The following TMEFF2 variants were observed in gnomAD, a reference collection of about 807,000 sequenced individuals.
TMEFF2 encodes the protein transmembrane protein with EGF like and two follistatin like domains 2, also known as tomoregulin-2.
A neutral mutation model predicts 53.8 loss-of-function variants in TMEFF2; 28 were observed. The observed-to-expected ratio is 0.52, with a 90% CI of 0.39 to 0.71. The LOEUF is 0.71. TMEFF2 is among the 30% of genes least tolerant of loss of function. TMEFF2 has a pLI of 0.00. For synonymous variants in TMEFF2, 162 were observed against 166.3 expected, an observed-to-expected ratio of 0.97 and a Z score of 0.20; for missense variants, 353 against 455.2, an observed-to-expected ratio of 0.78 and a Z score of 2.04.
chr2:191,977,760 CAG>C (rs1213980371), intron 7 of TMEFF2, among the ~76,000 whole-genome samples: 2 of 152,124 alleles, frequency 1.3e-5, no homozygotes, highest in East Asian at 1.9e-4. Context: ...CTCTTAGAAA[CAG>C]AGTTGCTGAC....
At chr2:192,165,791 A>G (rs1412747401) in intron 4 of TMEFF2, among the ~76,000 whole-genome samples, 5 of 152,106 alleles carry the variant, frequency 3.3e-5, no homozygotes, top group African/African-American at 9.7e-5. Context: ...ATGCTCCCTC[A>G]GCATTAGCAG....
chr2:192,176,840 A>G (rs1001072648), intron 4 of TMEFF2: 1 of 151,056 alleles, frequency 6.6e-6, no homozygotes, highest in Non-Finnish European at 1.5e-5. Context: ...ATATAGGAAA[A>G]TTTTTAAAAA....
chr2:192,041,994 A>C (rs1178990609), intron 5 of TMEFF2, among the ~76,000 whole-genome samples: 1 of 152,114 alleles, frequency 6.6e-6, no homozygotes, highest in Non-Finnish European at 1.5e-5. Context: ...TGAGGTCAGG[A>C]CTTCAAGACA....
Position 192,077,829 on chromosome 2 carries a change from C to T in TMEFF2, c.440-20054G>A, listed in dbSNP as rs180851196. ...ATTTGTATATGTTTATATATATAAG[C>T]ACAACGTTCTGATTTCTTATAAGAG... On this transcript the variant is annotated intron_variant, in intron 4 of 9. Transcript: ENST00000272771. 2.6e-5 allele frequency among the ~76,000 whole-genome samples: 4 copies of T among 151,946 alleles called. No individual in the cohort carries two copies. In the East Asian group the frequency reaches 7.7e-4, roughly 29 times the overall value.
intron 4 of TMEFF2, among the ~76,000 whole-genome samples, chr2:192,164,886 A>G (rs1187571213): frequency 6.6e-6 from 1 of 152,158 alleles, no homozygotes; most frequent in Non-Finnish European, 1.5e-5. Flanking sequence ...GTATAATAAT[A>G]TTATGCTATG....
chr2:192,059,274 A>G, intron 4 of TMEFF2, among the ~76,000 whole-genome samples: 1 of 152,004 alleles, frequency 6.6e-6, no homozygotes, highest in East Asian at 1.9e-4. Flanking sequence ...TCTTAAAAAA[A>G]AAAAAAGGTG....
At chr2:192,137,333 C>T (rs1159456265) in intron 4 of TMEFF2, among the ~76,000 whole-genome samples, 1 of 152,118 alleles carries the variant, frequency 6.6e-6, no homozygotes, top group African/African-American at 2.4e-5. Context: ...TGAAAAAAGG[C>T]CTGGGGCAGA....
At chr2:192,032,161 T>C (rs1483124339) in intron 5 of TMEFF2, 1 of 152,198 alleles carries the variant, frequency 6.6e-6, no homozygotes, top group Non-Finnish European at 1.5e-5. Context: ...CTTGAAGTCA[T>C]ATATTGTCTA....
intron 5 of TMEFF2, among the ~76,000 whole-genome samples, chr2:192,040,719 C>T (rs1271716854): frequency 1.3e-5 from 2 of 152,098 alleles, no homozygotes; most frequent in Non-Finnish European, 2.9e-5. Context: ...GAGCAACACC[C>T]TCATTTCCTG....
chr2:192,014,628 C>T (rs1686705271), intron 5 of TMEFF2, among the ~76,000 whole-genome samples: 1 of 152,266 alleles, frequency 6.6e-6, no homozygotes, highest in East Asian at 1.9e-4. Context: ...CTTCTTTAGG[C>T]AATTCAGTAT....
At chr2:192,019,557 A>G (rs1686816181) in intron 5 of TMEFF2, among the ~76,000 whole-genome samples, 1 of 152,088 alleles carries the variant, frequency 6.6e-6, no homozygotes, top group African/African-American at 2.4e-5. Context: ...ATAGCTTTGA[A>G]AATTTGTTTT....
chr2:191,972,813 T>A (rs777286829), intron 7 of TMEFF2, among the ~76,000 whole-genome samples: 8 of 152,290 alleles, frequency 5.3e-5, no homozygotes, highest in Middle Eastern at 6.8e-3. Flanking sequence ...AGCTCCAATG[T>A]ATAAACATGA....
chr2:192,183,381 C>T (rs1032260285), intron 3 of TMEFF2, among the ~76,000 whole-genome samples: 2 of 152,002 alleles, frequency 1.3e-5, no homozygotes, highest in Non-Finnish European at 2.9e-5. Context: ...TAACATCATA[C>T]ACTAGATTAG....
intron 4 of TMEFF2, among the ~76,000 whole-genome samples, chr2:192,103,876 G>C (rs985130181): frequency 2.6e-5 from 4 of 151,626 alleles, no homozygotes; most frequent in Non-Finnish European, 4.4e-5. Flanking sequence ...ATAGTGCTAC[G>C]AGATAAAATC....
intron 4 of TMEFF2, among the ~76,000 whole-genome samples, chr2:192,100,402 GCA>G (rs1689007222): frequency 6.6e-6 from 1 of 152,116 alleles, no homozygotes; most frequent in African/African-American, 2.4e-5. Flanking sequence ...AAGTCTTCTA[GCA>G]TGCATTTTCA....
At chr2:192,096,041 G>T (rs1459221592) in intron 4 of TMEFF2, among the ~76,000 whole-genome samples, 1 of 152,142 alleles carries the variant, frequency 6.6e-6, no homozygotes, top group African/African-American at 2.4e-5. Flanking sequence ...ATGAGAAGTG[G>T]TATTATGGGA....
intron 5 of TMEFF2, among the ~76,000 whole-genome samples, chr2:192,048,361 A>AACACACACAC (rs3053696): frequency 0.18 from 26,114 of 143,000 alleles, 2,506 homozygotes; most frequent in Non-Finnish European, 0.24. Context: ...ATTCTCATAA[A>AACACACACAC]ACACACACAC....
Position 191,949,163 on chromosome 2 carries a change from C to T in TMEFF2, c.*1148G>A. On this transcript the variant is annotated 3_prime_UTR_variant, in exon 10 of 10. Coordinates refer to ENST00000272771, the MANE Select transcript of TMEFF2 (RefSeq NM_016192.4). Reference sequence around the variant, plus strand: ...TCTTATTCCTTGAGAATTTTCACAGCTTATTTTTTCCAGATCAAGTTGTGA... The same window carrying T: ...TCTTATTCCTTGAGAATTTTCACAGTTTATTTTTTCCAGATCAAGTTGTGA... 2 of 985,258 alleles carry T rather than the reference C, an allele frequency of 2.0e-6. No individual in the cohort carries two copies. The highest frequency in any genetic ancestry group is 2.4e-6 in the Non-Finnish European group (2 of 829,862). The allele number at this position is 985,258 out of a possible 1,614,324, so 61.0% of individuals were successfully genotyped here. A position where few individuals can be genotyped will look rare whatever the true frequency, so the allele number is the denominator to read the frequency against.
chr2:192,110,048 A>C (rs1429413189), intron 4 of TMEFF2, among the ~76,000 whole-genome samples: 1 of 152,126 alleles, frequency 6.6e-6, no homozygotes, highest in South Asian at 2.1e-4. Flanking sequence ...GTCTGTGACT[A>C]TTCACTGAGG....
Sources: allele counts gnomAD v4.1 joint callset (sites outside exome capture counted in the v4.1 genomes callset), GRCh38; gene constraint gnomAD v4.1.1; transcripts MANE v1.5; gene names NCBI Gene and HGNC (gene_info 2026-07-23, HGNC 2026-07-21).